Variants in CEP112 observed in about 807,000 individuals in gnomAD.
The protein encoded by CEP112 is centrosomal protein of 112 kDa.
In CEP112, 127 loss-of-function variants were observed where a neutral mutation model predicts 153.0. That is an observed-to-expected ratio of 0.83 (90% confidence interval 0.72 to 0.96). The LOEUF is 0.96. Ranked by LOEUF, CEP112 falls within the 40% of genes least tolerant of loss-of-function variation. CEP112 has a pLI of 0.00. For missense variants in CEP112, 1,089 were observed against 1,101.2 expected (o/e 0.99, Z 0.16); for synonymous variants, 358 against 374.4 (o/e 0.96, Z 0.51).
chr17:65,846,763 G>T (rs2057741293), intron 21 of CEP112, among the ~76,000 whole-genome samples: 1 of 152,098 alleles, frequency 6.6e-6, no homozygotes, highest in East Asian at 1.9e-4. Context: ...TAGAGACGGG[G>T]TTTCACCGTG....
At chr17:65,751,073 G>C in intron 21 of CEP112, 1 of 203,840 alleles carries the variant, frequency 4.9e-6, no homozygotes, top group Non-Finnish European at 9.8e-6. Context: ...AAGGGAGAGG[G>C]AAGTGAAGGA....
At chr17:65,931,400 C>T (rs1473675950) in intron 18 of CEP112, among the ~76,000 whole-genome samples, 2 of 152,210 alleles carry the variant, frequency 1.3e-5, no homozygotes, top group Non-Finnish European at 2.9e-5. Flanking sequence ...CACCATAGTG[C>T]CACACAGAGA....
rs141263646 is a variant in CEP112, at chr17:66,057,837, A to T, written c.1075-3958T>A. 2.2e-3 allele frequency among the ~76,000 whole-genome samples: 337 copies of T among 151,896 alleles called. 3 individuals carry two copies. Among genetic ancestry groups the T allele is most frequent in the African/African-American group, 7.9e-3 (327 of 41,390 alleles). ...GGCAGGTACAGTGGCTCACACCTGT[A>T]ATCCCAGCCCTTTGGGAGGCCAAGG... is the stretch of plus-strand genomic sequence containing the variant. On this transcript the variant is annotated intron_variant, in intron 11 of 26. Coordinates refer to ENST00000535342, the MANE Select transcript of CEP112 (RefSeq NM_001199165.4).
intron 1 of CEP112, among the ~76,000 whole-genome samples, chr17:66,188,668 T>G (rs999898857): frequency 6.6e-6 from 1 of 151,870 alleles, no homozygotes; most frequent in Non-Finnish European, 1.5e-5. Flanking sequence ...GCAGGGACCA[T>G]GATTTACACA....
intron 19 of CEP112, among the ~76,000 whole-genome samples, chr17:65,914,893 T>C (rs749622806): frequency 6.6e-6 from 1 of 152,178 alleles, no homozygotes; most frequent in Non-Finnish European, 1.5e-5. Flanking sequence ...AATTCAGACA[T>C]TGGTTCCCAC....
intron 6 of CEP112, among the ~76,000 whole-genome samples, chr17:66,110,812 G>A (rs1177685474): frequency 6.6e-6 from 1 of 152,094 alleles, no homozygotes; most frequent in Non-Finnish European, 1.5e-5. Flanking sequence ...AAGATTTTAT[G>A]ACAAAGACAC....
At chr17:66,162,013 T>G (rs2071732894) in intron 4 of CEP112, among the ~76,000 whole-genome samples, 2 of 151,900 alleles carry the variant, frequency 1.3e-5, no homozygotes, top group African/African-American at 4.8e-5. Context: ...CAGCACGAAA[T>G]GGACCAAGAC....
At chr17:65,648,611 T>C (rs917542998) in intron 24 of CEP112, among the ~76,000 whole-genome samples, 1 of 152,174 alleles carries the variant, frequency 6.6e-6, no homozygotes, top group South Asian at 2.1e-4. Context: ...ATAAGGTGTA[T>C]GGAATGTGCA....
intron 26 of CEP112, chr17:65,636,491 C>A (rs2044774469): frequency 6.4e-6 from 1 of 157,294 alleles, no homozygotes; most frequent in African/African-American, 2.4e-5. Context: ...AAAGGAAGAT[C>A]GTGTCTCCTT....
intron 23 of CEP112, among the ~76,000 whole-genome samples, chr17:65,732,609 T>C (rs1188141838): frequency 2.0e-5 from 3 of 152,232 alleles, no homozygotes; most frequent in Admixed American, 2.0e-4. Flanking sequence ...TCATTTAGTG[T>C]AGTCACCTTC....
intron 24 of CEP112, chr17:65,644,407 T>A: frequency 1.9e-6 from 1 of 535,840 alleles, no homozygotes; most frequent in Non-Finnish European, 3.5e-6. Flanking sequence ...GGAGATGAAC[T>A]CGGACCTCAA....
chr17:65,699,699 C>T (rs2048529239), intron 23 of CEP112, among the ~76,000 whole-genome samples: 1 of 152,138 alleles, frequency 6.6e-6, no homozygotes, highest in Non-Finnish European at 1.5e-5. Flanking sequence ...ATGATCATAG[C>T]ACCCTATAGC....
At chr17:65,816,436 C>T (rs2056268998) in intron 21 of CEP112, among the ~76,000 whole-genome samples, 1 of 151,856 alleles carries the variant, frequency 6.6e-6, no homozygotes, top group South Asian at 2.1e-4. Flanking sequence ...ATCCCCCACC[C>T]CCTTCCCACC....
intron 24 of CEP112, among the ~76,000 whole-genome samples, chr17:65,647,065 A>G (rs2045472337): frequency 6.6e-6 from 1 of 152,218 alleles, no homozygotes; most frequent in African/African-American, 2.4e-5. Context: ...AGAAGCACAT[A>G]TTCAAAAATC....
chr17:66,181,515 T>TTGTG (rs55958203), intron 2 of CEP112, among the ~76,000 whole-genome samples: 6 of 151,392 alleles, frequency 4.0e-5, no homozygotes, highest in Non-Finnish European at 7.4e-5. Context: ...CCATCTAATT[T>TTGTG]TGTGTGTGTG....
intron 19 of CEP112, among the ~76,000 whole-genome samples, chr17:65,924,137 C>T (rs900460459): frequency 2.6e-5 from 4 of 152,016 alleles, no homozygotes; most frequent in African/African-American, 9.7e-5. Flanking sequence ...CCACCATGCC[C>T]GGCTAATTTT....
intron 17 of CEP112, among the ~76,000 whole-genome samples, chr17:65,970,468 GCATGTATATTACATGCATGCACA>G (rs879816059): frequency 0.37 from 47,392 of 129,654 alleles, 9,292 homozygotes; most frequent in South Asian, 0.58. Context: ...ATGCACACAT[GCATGTATATTACATGCATGCACA>G]CTACATGCAT....
intron 21 of CEP112, among the ~76,000 whole-genome samples, chr17:65,823,245 C>G (rs774039833): frequency 1.6e-4 from 24 of 151,940 alleles, no homozygotes; most frequent in Non-Finnish European, 3.2e-4. Context: ...TGAAAAAGAT[C>G]AGTGTTGGAC....
intron 23 of CEP112, among the ~76,000 whole-genome samples, chr17:65,693,231 T>C (rs1198404185): frequency 6.6e-6 from 1 of 151,970 alleles, no homozygotes; most frequent in African/African-American, 2.4e-5. Flanking sequence ...ACACTCGGCG[T>C]CCCACACCCT....
Sources: gnomAD v4.1 joint callset for allele counts (sites outside exome capture counted in the v4.1 genomes callset) on GRCh38, gnomAD v4.1.1 for gene constraint, MANE v1.5 for transcripts, NCBI Gene and HGNC (gene_info 2026-07-23, HGNC 2026-07-21) for gene names.